Variants in SYN3 observed in about 807,000 individuals in gnomAD.
The protein encoded by SYN3 is synapsin III, also known as synapsin-3.
Under a neutral mutation model 65.8 loss-of-function variants are expected in SYN3, and 35 were observed. That is an observed-to-expected ratio of 0.53 (90% CI 0.41 to 0.70). The LOEUF is 0.70. Ranked by LOEUF, SYN3 falls within the 30% of genes least tolerant of loss-of-function variation. The probability of loss-of-function intolerance (pLI) is 0.00; values close to 1 mark genes in which losing one functional copy is unlikely to be tolerated. For synonymous variants in SYN3, 270 were observed against 292.9 expected (o/e 0.92, Z 0.80); for missense variants, 680 against 749.0 (o/e 0.91, Z 1.08).
At chr22:32,596,561 C>G in intron 7 of SYN3, 113 bp downstream of exon 7, 1 of 1,051,024 alleles carries the variant, frequency 9.5e-7, no homozygotes, top group South Asian at 1.5e-5. Flanking sequence ...TTCTAACACT[C>G]TGTTCTGGGT....
At chr22:33,045,429 T>C (rs572764492) in intron 1 of SYN3, among the ~76,000 whole-genome samples, 3 of 148,556 alleles carry the variant, frequency 2.0e-5, no homozygotes, top group African/African-American at 7.3e-5. Flanking sequence ...ATATTCCACA[T>C]CTCATTCATC....
At chr22:32,883,031 G>A (rs1328366244) in intron 4 of SYN3, among the ~76,000 whole-genome samples, 1 of 152,056 alleles carries the variant, frequency 6.6e-6, no homozygotes, top group African/African-American at 2.4e-5. Context: ...CTCCACCAGC[G>A]AGTGGTGATG....
intron 7 of SYN3, among the ~76,000 whole-genome samples, chr22:32,581,266 C>T (rs569215576): frequency 5.4e-4 from 82 of 152,274 alleles, no homozygotes; most frequent in Non-Finnish European, 8.5e-4. Flanking sequence ...CCCACCACCA[C>T]GCCCAGCTAA....
chr22:32,888,894 G>C (rs1420391089), intron 4 of SYN3, among the ~76,000 whole-genome samples: 2 of 152,184 alleles, frequency 1.3e-5, no homozygotes, highest in African/African-American at 4.8e-5. Context: ...TTCAGATGAG[G>C]GATACTTGAT....
intron 6 of SYN3, among the ~76,000 whole-genome samples, chr22:32,657,593 G>A (rs959705732): frequency 3.9e-5 from 6 of 152,174 alleles, no homozygotes; most frequent in East Asian, 1.9e-4. Context: ...CAGGCTGCCC[G>A]GGCAGAGCAG....
intron 6 of SYN3, among the ~76,000 whole-genome samples, chr22:32,648,783 C>T (rs1016081319): frequency 2.6e-5 from 4 of 152,198 alleles, no homozygotes; most frequent in Admixed American, 2.6e-4. Flanking sequence ...GCCTGGCTCA[C>T]AGCAAACAAC....
At chr22:32,676,360 T>G (rs2060441114) in intron 6 of SYN3, among the ~76,000 whole-genome samples, 1 of 152,128 alleles carries the variant, frequency 6.6e-6, no homozygotes, top group Non-Finnish European at 1.5e-5. Flanking sequence ...GCAAGATTTA[T>G]CTGGGCATTT....
At chr22:32,685,219 T>A (rs1302635005) in intron 6 of SYN3, among the ~76,000 whole-genome samples, 1 of 152,212 alleles carries the variant, frequency 6.6e-6, no homozygotes, top group Non-Finnish European at 1.5e-5. Context: ...AGGGTTTCTG[T>A]TGACAGCAGG....
At chr22:32,540,494 C>A (rs1381742161) in intron 8 of SYN3, among the ~76,000 whole-genome samples, 1 of 152,196 alleles carries the variant, frequency 6.6e-6, no homozygotes, top group Non-Finnish European at 1.5e-5. Flanking sequence ...CCTCTGGGGT[C>A]TCATCATTTC....
At chr22:32,808,259 A>T (rs1452543437) in intron 6 of SYN3, among the ~76,000 whole-genome samples, 2 of 152,214 alleles carry the variant, frequency 1.3e-5, no homozygotes, top group Non-Finnish European at 2.9e-5. Context: ...ACACATACAC[A>T]GGGTTTTGCT....
chr22:32,603,713 C>G (rs1208922994), intron 6 of SYN3, among the ~76,000 whole-genome samples: 1 of 152,092 alleles, frequency 6.6e-6, no homozygotes, highest in African/African-American at 2.4e-5. Flanking sequence ...ACAGACAGGT[C>G]ACAGAGGACA....
chr22:32,763,291 C>T (rs976422012), intron 6 of SYN3, among the ~76,000 whole-genome samples: 1 of 152,000 alleles, frequency 6.6e-6, no homozygotes, highest in Non-Finnish European at 1.5e-5. Context: ...GGATTACAAG[C>T]GCCTGCCACC....
chr22:33,006,886 A>T (rs2053213307), intron 1 of SYN3, 62 bp from the exon 2 acceptor site: 2 of 435,904 alleles, frequency 4.6e-6, no homozygotes, highest in South Asian at 1.3e-4. Flanking sequence ...GAGCAAACAG[A>T]TACAGCGCTT....
intron 4 of SYN3, among the ~76,000 whole-genome samples, chr22:32,920,959 T>TC (rs771936340): frequency 3.3e-5 from 5 of 152,156 alleles, no homozygotes; most frequent in Non-Finnish European, 5.9e-5. Flanking sequence ...GCTCTCCTGC[T>TC]CAAGTCTAGA....
intron 2 of SYN3, among the ~76,000 whole-genome samples, chr22:33,003,486 G>C (rs1043751322): frequency 6.6e-6 from 1 of 152,166 alleles, no homozygotes; most frequent in African/African-American, 2.4e-5. Flanking sequence ...AGATGGAGAT[G>C]AAAAACTTTT....
At chr22:32,939,057 T>A (rs759063945) in intron 3 of SYN3, among the ~76,000 whole-genome samples, 23 of 152,066 alleles carry the variant, frequency 1.5e-4, no homozygotes, top group Non-Finnish European at 2.5e-4. Flanking sequence ...CAGATGGAAA[T>A]TTGTACCAAT....
At chr22:32,972,464 C>T (rs572839447) in intron 3 of SYN3, among the ~76,000 whole-genome samples, 1 of 152,256 alleles carries the variant, frequency 6.6e-6, no homozygotes, top group South Asian at 2.1e-4. Context: ...TGTCTATTGC[C>T]ACTCATCCTT....
At chr22:32,756,207 CT>C (rs1256941056) in intron 6 of SYN3, among the ~76,000 whole-genome samples, 1 of 151,460 alleles carries the variant, frequency 6.6e-6, no homozygotes, top group African/African-American at 2.4e-5. Context: ...TATCCCAGAA[CT>C]TAAAGTTCAA....
intron 4 of SYN3, among the ~76,000 whole-genome samples, chr22:32,873,587 C>A (rs557208399): frequency 6.6e-6 from 1 of 152,176 alleles, no homozygotes; most frequent in East Asian, 1.9e-4. Flanking sequence ...CCTCTCTGAT[C>A]AGAGAACCAC....
Sources: allele counts gnomAD v4.1 joint callset (sites outside exome capture counted in the v4.1 genomes callset), GRCh38; gene constraint gnomAD v4.1.1; transcripts MANE v1.5; gene names NCBI Gene and HGNC (gene_info 2026-07-23, HGNC 2026-07-21).